The following PRKG1 variants were observed in gnomAD, a reference collection of about 807,000 sequenced individuals.
The protein encoded by PRKG1 is cGMP-dependent protein kinase 1.
Under a neutral mutation model 88.1 loss-of-function variants are expected in PRKG1, and 35 were observed. The ratio of observed to expected loss-of-function variants is 0.40; its 90% CI spans 0.30 to 0.53. PRKG1 has a LOEUF of 0.53. Among genes scored for constraint, PRKG1 ranks in the 20% least tolerant of loss-of-function variants. PRKG1 has a pLI of 0.59. For synonymous variants in PRKG1, 303 were observed against 292.5 expected, an observed-to-expected ratio of 1.04 and a Z score of -0.37; for missense variants, 540 against 839.8, an observed-to-expected ratio of 0.64 and a Z score of 4.41.
At chr10:52,096,519 G>A (rs1215171553) in intron 7 of PRKG1, among the ~76,000 whole-genome samples, 1 of 152,118 alleles carries the variant, frequency 6.6e-6, no homozygotes, top group Non-Finnish European at 1.5e-5. Flanking sequence ...CCCTTCTTAA[G>A]CCCTCTTCCA....
intron 3 of PRKG1, among the ~76,000 whole-genome samples, chr10:51,636,133 G>GT (rs574230074): frequency 1.3e-3 from 197 of 152,138 alleles, no homozygotes; most frequent in Middle Eastern, 0.01. Flanking sequence ...GCTGCTTTAA[G>GT]TTTTTTTTAG....
At chr10:51,707,182 A>C (rs16921741) in intron 3 of PRKG1, among the ~76,000 whole-genome samples, 3,710 of 152,306 alleles carry the variant, frequency 0.024, 132 homozygotes, top group African/African-American at 0.082. Context: ...ATCTTGGTGC[A>C]CATTAGGTTC....
Position 51,104,249 on chromosome 10 carries a change from G to A in PRKG1, c.311+29348G>A, listed in dbSNP as rs1033544866. ...AAAAAATCATCCCCCACAATTAAAAGTGGTTATTTCTAGGGTGCAGAATTT... is the reference window on the plus strand; with the variant it reads ...AAAAAATCATCCCCCACAATTAAAAATGGTTATTTCTAGGGTGCAGAATTT... On this transcript the variant is annotated intron_variant, in intron 1 of 17. Coordinates refer to ENST00000373980, the MANE Select transcript of PRKG1 (RefSeq NM_006258.4). Among the ~76,000 whole-genome samples the A allele has an allele frequency of 5.3e-5, 8 of 152,196 alleles. No homozygotes were observed. In the East Asian group the frequency reaches 7.7e-4, roughly 15 times the overall value.
intron 2 of PRKG1, among the ~76,000 whole-genome samples, chr10:51,334,152 T>TTCTCTCTCTCTCTCTC (rs10568175): frequency 7.4e-4 from 102 of 137,146 alleles, no homozygotes; most frequent in Admixed American, 9.7e-4. Flanking sequence ...CTCTCTCTCT[T>TTCTCTCTCTCTCTCTC]TCTCTCTCTC....
chr10:51,014,588 G>A (rs191090940), intron 1 of PRKG1, among the ~76,000 whole-genome samples: 2 of 152,048 alleles, frequency 1.3e-5, no homozygotes, highest in African/African-American at 2.4e-5. Flanking sequence ...GAAGCTGCAC[G>A]TGCAGGTATC....
At chr10:51,672,871 G>A (rs963632551) in intron 3 of PRKG1, among the ~76,000 whole-genome samples, 2 of 152,104 alleles carry the variant, frequency 1.3e-5, no homozygotes, top group African/African-American at 4.8e-5. Flanking sequence ...TTCTTGTGTT[G>A]GTTTCCTTGA....
intron 2 of PRKG1, among the ~76,000 whole-genome samples, chr10:51,223,217 A>G (rs1333252143): frequency 6.6e-6 from 1 of 152,112 alleles, no homozygotes; most frequent in Non-Finnish European, 1.5e-5. Flanking sequence ...GAAATCACCT[A>G]AATTCTGATT....
intron 3 of PRKG1, among the ~76,000 whole-genome samples, chr10:51,747,342 G>A (rs560856972): frequency 3.4e-4 from 52 of 152,136 alleles, no homozygotes; most frequent in Non-Finnish European, 1.8e-4. Context: ...GCACTCTCAG[G>A]TTAGCCTATT....
At chr10:52,205,068 G>A (rs946371232) in intron 9 of PRKG1, among the ~76,000 whole-genome samples, 8 of 152,050 alleles carry the variant, frequency 5.3e-5, no homozygotes, top group African/African-American at 1.7e-4. Flanking sequence ...GATGAAACAC[G>A]CCCTAATCTC....
At position 51,008,024 on chromosome 10, in the gene PRKG1, G is replaced by A. The variant is rs549287173; in HGVS notation, c.266+16380G>A. Among the ~76,000 whole-genome samples, 44 of 152,242 alleles carry A rather than the reference G, an allele frequency of 2.9e-4. 1 individual carries two copies. In the South Asian group the frequency reaches 5.4e-3, roughly 19 times the overall value. The stretch of plus-strand genomic sequence containing the variant: ...ATCCCAAGGCTTGCTGGTCCAAGAC[G>A]TCTGGCTCTAGGGCTCTGACACTAT... On this transcript the variant is annotated intron_variant, in intron 1 of 17. Coordinates refer to the PRKG1 transcript ENST00000401604.
Position 51,585,394 on chromosome 10 carries a change from G to A in PRKG1, c.592+117558G>A, listed in dbSNP as rs537553641. Among the ~76,000 whole-genome samples, 8 of 152,140 alleles carry A rather than the reference G, an allele frequency of 5.3e-5. No homozygotes were observed. The East Asian group carries it at 9.7e-4, about 18-fold the overall frequency. ...AGTAAGAATATGTTTCCCATATGAC[G>A]TTACACTTTCTCAAGGAGTAACAAC... On this transcript the variant is annotated intron_variant, in intron 3 of 17. Transcript: ENST00000373980.
At chr10:51,916,285 T>C (rs4935290) in intron 5 of PRKG1, among the ~76,000 whole-genome samples, 108,078 of 151,926 alleles carry the variant, frequency 0.71, 39,151 homozygotes, top group African/African-American at 0.86. Context: ...CCACCAAAAC[T>C]AATACAATAT....
chr10:51,287,537 A>G (rs1384388686), intron 2 of PRKG1, among the ~76,000 whole-genome samples: 2 of 152,230 alleles, frequency 1.3e-5, no homozygotes, highest in African/African-American at 4.8e-5. Flanking sequence ...AGTAGAGTGA[A>G]GAGAGGAAAT....
At chr10:51,757,775 G>T (rs1371424813) in intron 3 of PRKG1, among the ~76,000 whole-genome samples, 1 of 152,138 alleles carries the variant, frequency 6.6e-6, no homozygotes, top group African/African-American at 2.4e-5. Flanking sequence ...GATATATTGT[G>T]TTAAAAAAAT....
chr10:51,871,081 T>A (rs980977793), intron 4 of PRKG1, among the ~76,000 whole-genome samples: 1 of 152,334 alleles, frequency 6.6e-6, no homozygotes, highest in South Asian at 2.1e-4. Flanking sequence ...TTTTTCTCTG[T>A]TGGAAGTACT....
intron 1 of PRKG1, among the ~76,000 whole-genome samples, chr10:51,018,904 A>G (rs531774488): frequency 6.6e-6 from 1 of 152,346 alleles, no homozygotes; most frequent in South Asian, 2.1e-4. Flanking sequence ...TTATTTGATT[A>G]CTTAAATAGG....
At chr10:52,291,492 G>A (rs1319859208) in intron 17 of PRKG1, among the ~76,000 whole-genome samples, 4 of 146,440 alleles carry the variant, frequency 2.7e-5, no homozygotes, top group Non-Finnish European at 5.9e-5. Flanking sequence ...ACCTATGAGT[G>A]AGAATATGCG....
At chr10:51,203,555 C>CA (rs1277089282) in intron 2 of PRKG1, among the ~76,000 whole-genome samples, 2 of 152,118 alleles carry the variant, frequency 1.3e-5, no homozygotes, top group Admixed American at 1.3e-4. Flanking sequence ...GGATGTGCTG[C>CA]AATGCTAAAC....
At chr10:51,943,966 C>T (rs1842967502) in intron 5 of PRKG1, among the ~76,000 whole-genome samples, 1 of 152,016 alleles carries the variant, frequency 6.6e-6, no homozygotes, top group Non-Finnish European at 1.5e-5. Context: ...ATGCTGGCCT[C>T]ATCAAATGAG....
Sources: gnomAD v4.1 joint callset for allele counts (sites outside exome capture counted in the v4.1 genomes callset) on GRCh38, gnomAD v4.1.1 for gene constraint, MANE v1.5 for transcripts, NCBI Gene and HGNC (gene_info 2026-07-23, HGNC 2026-07-21) for gene names.